Variants in ESRRG observed in about 807,000 individuals in gnomAD.
ESRRG encodes estrogen-related receptor gamma.
Under a neutral mutation model 44.0 loss-of-function variants are expected in ESRRG, and 13 were observed. That is an observed-to-expected ratio of 0.30 (90% CI 0.19 to 0.47). The LOEUF (loss-of-function observed/expected upper bound fraction) is 0.47. Ranked by LOEUF, ESRRG falls within the 20% of genes least tolerant of loss-of-function variation. The pLI is 1.00. For synonymous variants in ESRRG, 215 were observed against 214.6 expected, an observed-to-expected ratio of 1.00 and a Z score of -0.02; for missense variants, 395 against 580.6, an observed-to-expected ratio of 0.68 and a Z score of 3.29.
intron 1 of ESRRG, among the ~76,000 whole-genome samples, chr1:217,124,819 G>T (rs190908200): frequency 8.2e-4 from 125 of 152,280 alleles, no homozygotes; most frequent in African/African-American, 2.9e-3. Context: ...TTTCAGCAAA[G>T]AAACTCATTC....
chr1:216,542,935 A>G (rs1016034252), intron 5 of ESRRG, among the ~76,000 whole-genome samples: 1 of 151,964 alleles, frequency 6.6e-6, no homozygotes, highest in Non-Finnish European at 1.5e-5. Context: ...CTTCCCCCCA[A>G]GCACATGGCA....
chr1:216,617,195 T>C (rs2061534908), intron 3 of ESRRG, among the ~76,000 whole-genome samples: 1 of 152,096 alleles, frequency 6.6e-6, no homozygotes, highest in African/African-American at 2.4e-5. Flanking sequence ...CCATTTAACT[T>C]CTCAAGCAAC....
chr1:216,902,751 G>A (rs928441742), intron 2 of ESRRG, among the ~76,000 whole-genome samples: 3 of 152,266 alleles, frequency 2.0e-5, no homozygotes, highest in South Asian at 2.1e-4. Context: ...AACACTAATG[G>A]CTGAAACGAC....
In ESRRG at chr1:217,038,420, T is replaced by A. The variant is rs575959932; in HGVS notation, c.-106+51087A>T. On this transcript the variant is annotated intron_variant, in intron 1 of 7. Coordinates refer to the ESRRG transcript ENST00000359162. ...TATCTTGAATTCCATGATCACTCTA[T>A]CCCAGGATAGATGGATTGTGAAATG... Among the ~76,000 whole-genome samples, 10 of 152,348 alleles carry A rather than the reference T, an allele frequency of 6.6e-5. No homozygotes were observed. In the Middle Eastern group the frequency reaches 0.01, roughly 155 times the overall value.
intron 2 of ESRRG, among the ~76,000 whole-genome samples, chr1:216,672,117 GA>G (rs1354208926): frequency 3.3e-5 from 5 of 151,548 alleles, no homozygotes; most frequent in African/African-American, 1.2e-4. Context: ...ATTGGAATTG[GA>G]AAAAAAATCA....
chr1:216,850,119 G>A (rs2095818794), intron 2 of ESRRG, among the ~76,000 whole-genome samples: 1 of 151,982 alleles, frequency 6.6e-6, no homozygotes, highest in Admixed American at 6.6e-5. Context: ...TTTTTACTGA[G>A]ACTTCAAATA....
intron 2 of ESRRG, among the ~76,000 whole-genome samples, chr1:216,653,992 G>A (rs1347615971): frequency 5.9e-5 from 9 of 151,470 alleles, no homozygotes; most frequent in African/African-American, 2.2e-4. Flanking sequence ...GCATAGTGGT[G>A]TGAACCTTTA....
intron 2 of ESRRG, among the ~76,000 whole-genome samples, chr1:216,889,144 C>T (rs1191082997): frequency 6.6e-6 from 1 of 152,134 alleles, no homozygotes; most frequent in Non-Finnish European, 1.5e-5. Context: ...TGTTTCCCTG[C>T]GAATGTAATA....
intron 1 of ESRRG, among the ~76,000 whole-genome samples, chr1:216,720,201 T>C (rs938069658): frequency 8.5e-5 from 13 of 152,066 alleles, no homozygotes; most frequent in Non-Finnish European, 1.6e-4. Flanking sequence ...TTTAGGAAAA[T>C]AGAATTAATC....
chr1:216,655,438 G>A (rs1490343233), intron 2 of ESRRG, among the ~76,000 whole-genome samples: 1 of 152,152 alleles, frequency 6.6e-6, no homozygotes, highest in Non-Finnish European at 1.5e-5. Context: ...CCAAATAGGG[G>A]CAAATGCTTG....
chr1:217,001,522 C>T (rs539284810), intron 1 of ESRRG, among the ~76,000 whole-genome samples: 1 of 152,200 alleles, frequency 6.6e-6, no homozygotes, highest in Non-Finnish European at 1.5e-5. Context: ...TGGATATAGA[C>T]CTCATTGAAA....
intron 2 of ESRRG, among the ~76,000 whole-genome samples, chr1:216,669,608 G>A (rs1477899403): frequency 1.3e-5 from 2 of 152,240 alleles, no homozygotes; most frequent in African/African-American, 4.8e-5. Flanking sequence ...AAAGTAGGCT[G>A]GGCGCGGTGG....
chr1:217,101,726 T>C (rs1343783566), intron 1 of ESRRG, among the ~76,000 whole-genome samples: 1 of 152,242 alleles, frequency 6.6e-6, no homozygotes, highest in Non-Finnish European at 1.5e-5. Context: ...TCATGTTGAT[T>C]CTACCTCAAC....
chr1:217,043,163 A>G (rs866720066), intron 1 of ESRRG, among the ~76,000 whole-genome samples: 5 of 152,198 alleles, frequency 3.3e-5, no homozygotes, highest in Non-Finnish European at 7.3e-5. Context: ...AAGTCTTGAC[A>G]TCCATCAAGA....
At chr1:216,732,450 C>T (rs1362999027) in intron 2 of ESRRG, among the ~76,000 whole-genome samples, 2 of 151,274 alleles carry the variant, frequency 1.3e-5, no homozygotes, top group African/African-American at 4.9e-5. Context: ...AATCTCAGCT[C>T]CCTGCAAACT....
intron 3 of ESRRG, among the ~76,000 whole-genome samples, chr1:216,579,355 G>A (rs903861470): frequency 6.6e-5 from 10 of 152,188 alleles, no homozygotes; most frequent in South Asian, 2.1e-4. Context: ...AGAGTTATAC[G>A]TATGTGTATT....
intron 1 of ESRRG, among the ~76,000 whole-genome samples, chr1:216,698,392 G>T (rs541487451): frequency 1.3e-5 from 2 of 151,740 alleles, no homozygotes; most frequent in African/African-American, 2.4e-5. Flanking sequence ...GGTGGGGGGC[G>T]CCTGTAGTCC....
chr1:217,026,910 C>CAGAGAGAGAGAGAG (rs1414926581), intron 1 of ESRRG, among the ~76,000 whole-genome samples: 37 of 97,252 alleles, frequency 3.8e-4, no homozygotes, highest in East Asian at 5.9e-4. Context: ...CACACACACA[C>CAGAGAGAGAGAGAG]ACAGAGAGAG....
In ESRRG at chr1:217,076,081, AATT is replaced by A. The variant is rs769410518; in HGVS notation, c.-106+13423_-106+13425del. 3.9e-5 allele frequency among the ~76,000 whole-genome samples: 6 copies of A among 152,306 alleles called. No homozygotes were observed. In the South Asian group the frequency reaches 6.2e-4, roughly 16 times the overall value. ...ATTATCTTTTGTTCCAGGATGATGCAATTATTTATACCATCTGTATGTGGAAGG... is the reference window on the plus strand; with the variant it reads ...ATTATCTTTTGTTCCAGGATGATGCAATTTATACCATCTGTATGTGGAAGG... On this transcript the variant is annotated intron_variant, in intron 1 of 7. Coordinates refer to the ESRRG transcript ENST00000359162.
Sources: allele counts gnomAD v4.1 joint callset (sites outside exome capture counted in the v4.1 genomes callset), GRCh38; gene constraint gnomAD v4.1.1; transcripts MANE v1.5; gene names NCBI Gene and HGNC (gene_info 2026-07-23, HGNC 2026-07-21).